DMRT1: variants seen among roughly 807,000 people sequenced by gnomAD.
The protein encoded by DMRT1 is doublesex and mab-3 related transcription factor 1.
A neutral mutation model predicts 32.3 loss-of-function variants in DMRT1; 7 were observed. That is an observed-to-expected ratio of 0.22 (90% CI 0.12 to 0.41). The LOEUF (loss-of-function observed/expected upper bound fraction) is 0.41. Among genes scored for constraint, DMRT1 ranks in the 10% least tolerant of loss-of-function variants. The probability of loss-of-function intolerance (pLI) is 1.00; values close to 1 mark genes in which losing one functional copy is unlikely to be tolerated. For synonymous variants in DMRT1, 278 were observed against 206.1 expected (o/e 1.35, Z -2.99); for missense variants, 625 against 500.5 (o/e 1.25, Z -2.37).
chr9:872,353 G>T (rs1350779002), intron 2 of DMRT1, among the ~76,000 whole-genome samples: 2 of 152,176 alleles, frequency 1.3e-5, no homozygotes, highest in Non-Finnish European at 2.9e-5. Flanking sequence ...GAGCCAGTGC[G>T]CCCGGCCAAA....
intron 3 of DMRT1, among the ~76,000 whole-genome samples, chr9:914,992 C>G (rs181730368): frequency 1.3e-5 from 2 of 152,306 alleles, no homozygotes; most frequent in East Asian, 1.9e-4. Flanking sequence ...TTTACACTAC[C>G]AGGCTCTGTC....
chr9:879,214 TA>T (rs1816634029), intron 2 of DMRT1, among the ~76,000 whole-genome samples: 1 of 152,132 alleles, frequency 6.6e-6, no homozygotes, highest in South Asian at 2.1e-4. Flanking sequence ...TCTACAACCT[TA>T]AAAAGTATTG....
intron 2 of DMRT1, among the ~76,000 whole-genome samples, chr9:847,539 C>G (rs777376480): frequency 1.3e-5 from 2 of 152,144 alleles, no homozygotes; most frequent in Non-Finnish European, 2.9e-5. Flanking sequence ...CTAGAAAGGC[C>G]AAATCCTAGT....
chr9:948,241 C>G (rs1380464270), intron 4 of DMRT1, among the ~76,000 whole-genome samples: 1 of 152,172 alleles, frequency 6.6e-6, no homozygotes, highest in Non-Finnish European at 1.5e-5. Flanking sequence ...CCCGCCCCTC[C>G]TCCCCTCTGT....
intron 2 of DMRT1, among the ~76,000 whole-genome samples, chr9:862,863 C>G (rs894129768): frequency 3.3e-5 from 5 of 152,006 alleles, no homozygotes; most frequent in African/African-American, 9.7e-5. Context: ...ATAACGGCCT[C>G]CCAAAAGATG....
At position 968,030 on chromosome 9, in the gene DMRT1, C is replaced by G. The variant is rs751264540; in HGVS notation, c.1013C>G (p.Ser338Trp). Residue 338 changes from serine (S) to tryptophan (W), a missense_variant, in exon 5 of 5, where the codon TCG becomes TGG. By Grantham distance (177) the Ser-to-Trp change is radical. Around this residue, in one of 3 missense-constraint regions of DMRT1, gnomAD observed 416 missense variants for 321.6 expected, o/e 1.29. Transcript: ENST00000382276. The part of the protein sequence containing the change: ...SSQDSGLVSL[S>W]SSSPISNKST... ...CAAGATTCTGGCTTGGTTTCCCTCTCGAGCAGCTCTCCTATTAGTAACAAG... is the reference window on the plus strand; with the variant it reads ...CAAGATTCTGGCTTGGTTTCCCTCTGGAGCAGCTCTCCTATTAGTAACAAG... 1.2e-5 allele frequency: 19 copies of G among 1,614,082 alleles called. No individual in the cohort carries two copies. The highest frequency in any genetic ancestry group is 1.7e-5 in the Admixed American group (1 of 60,018).
chr9:916,330 G>T (rs1355083172), intron 3 of DMRT1, among the ~76,000 whole-genome samples: 3 of 152,016 alleles, frequency 2.0e-5, no homozygotes, highest in Non-Finnish European at 4.4e-5. Context: ...CATATTCATG[G>T]CTGAGGCCAC....
intron 2 of DMRT1, among the ~76,000 whole-genome samples, chr9:861,696 C>G (rs919039401): frequency 1.3e-5 from 2 of 151,540 alleles, no homozygotes; most frequent in African/African-American, 4.9e-5. Context: ...AGGGGCCCCC[C>G]ACCTCCCAGA....
At chr9:931,488 G>T (rs1024985622) in intron 4 of DMRT1, among the ~76,000 whole-genome samples, 1 of 152,154 alleles carries the variant, frequency 6.6e-6, no homozygotes, top group Non-Finnish European at 1.5e-5. Context: ...GTCTGGTTGG[G>T]CTGCTGTAAC....
At chr9:944,945 C>T (rs1210242116) in intron 4 of DMRT1, among the ~76,000 whole-genome samples, 1 of 151,584 alleles carries the variant, frequency 6.6e-6, no homozygotes, top group African/African-American at 2.4e-5. Flanking sequence ...AATTAATGTC[C>T]CCCAAACAAC....
intron 4 of DMRT1, among the ~76,000 whole-genome samples, chr9:923,722 C>G (rs1818429218): frequency 6.6e-6 from 1 of 152,166 alleles, no homozygotes; most frequent in African/African-American, 2.4e-5. Context: ...CTGCCCTGAG[C>G]TGTATTTCTC....
intron 2 of DMRT1, among the ~76,000 whole-genome samples, chr9:860,190 G>A (rs1227635294): frequency 2.1e-4 from 32 of 152,242 alleles, no homozygotes; most frequent in Admixed American, 2.1e-3. Flanking sequence ...CTAGCTACTT[G>A]GGAGGCTGGG....
chr9:923,003 C>T (rs141499522), intron 4 of DMRT1, among the ~76,000 whole-genome samples: 113 of 152,280 alleles, frequency 7.4e-4, no homozygotes, highest in African/African-American at 2.3e-3. Context: ...TACAACTTTT[C>T]GAATCCATCT....
chr9:895,801 CTTTTTTTTTTT>C, intron 3 of DMRT1, among the ~76,000 whole-genome samples: 1 of 121,982 alleles, frequency 8.2e-6, no homozygotes, highest in South Asian at 2.7e-4. Context: ...ATAACTGAAA[CTTTTTTTTTTT>C]TTTTTTTTTT....
At chr9:923,413 G>A (rs1371800134) in intron 4 of DMRT1, among the ~76,000 whole-genome samples, 3 of 152,198 alleles carry the variant, frequency 2.0e-5, no homozygotes, top group Non-Finnish European at 4.4e-5. Context: ...ATGCTTCCCT[G>A]AGAGCCTCGA....
intron 2 of DMRT1, among the ~76,000 whole-genome samples, chr9:887,949 A>G (rs1228327224): frequency 6.6e-6 from 1 of 152,262 alleles, no homozygotes; most frequent in African/African-American, 2.4e-5. Flanking sequence ...TAGTGAATGA[A>G]TCAAATCTAA....
chr9:869,363 T>G (rs1816132432), intron 2 of DMRT1, among the ~76,000 whole-genome samples: 1 of 152,220 alleles, frequency 6.6e-6, no homozygotes, highest in Admixed American at 6.5e-5. Context: ...TACAAAGGTG[T>G]ACTCATCTGC....
chr9:862,658 G>C (rs745630499), intron 2 of DMRT1, among the ~76,000 whole-genome samples: 66 of 152,152 alleles, frequency 4.3e-4, no homozygotes, highest in Admixed American at 1.2e-3. Context: ...AGCTGCTTAG[G>C]CTGGGGTGGT....
intron 4 of DMRT1, 46 bp downstream of exon 4, chr9:916,953 G>A (rs1379973302): frequency 4.3e-6 from 7 of 1,609,666 alleles, no homozygotes; most frequent in Non-Finnish European, 3.4e-6. Flanking sequence ...GAGAGAGGAT[G>A]GCTATCCAGT....
Sources: allele counts gnomAD v4.1 joint callset (sites outside exome capture counted in the v4.1 genomes callset), GRCh38; gene constraint gnomAD v4.1.1; regional missense constraint gnomAD v4.1.1; transcripts MANE v1.5; gene names NCBI Gene and HGNC (gene_info 2026-07-23, HGNC 2026-07-21).